The following CELA2B variants were observed in gnomAD, a reference collection of about 807,000 sequenced individuals.
The protein encoded by CELA2B is chymotrypsin-like elastase family member 2B.
In CELA2B, 27 loss-of-function variants were observed where a neutral mutation model predicts 36.5. The ratio of observed to expected loss-of-function variants is 0.74; its 90% CI spans 0.55 to 1.02. The LOEUF is 1.02. Ranked by LOEUF, CELA2B falls within the 50% of genes least tolerant of loss-of-function variation. The pLI is 0.00. For missense variants in CELA2B, 340 were observed against 347.8 expected, an observed-to-expected ratio of 0.98 and a Z score of 0.18; for synonymous variants, 143 against 148.5, an observed-to-expected ratio of 0.96 and a Z score of 0.27.
intron 3 of CELA2B, among the ~76,000 whole-genome samples, chr1:15,481,954 C>T (rs893558709): frequency 6.6e-6 from 1 of 152,188 alleles, no homozygotes; most frequent in African/African-American, 2.4e-5. Context: ...TGAAAATTTC[C>T]TTGAGGGCAA....
At chr1:15,491,197 T>C in intron 7 of CELA2B, 98 bp from the exon 8 acceptor site, 2 of 1,446,954 alleles carry the variant, frequency 1.4e-6, no homozygotes, top group African/African-American at 1.4e-5. Context: ...TGTGACTCAC[T>C]TGAGTAGCTT....
rs767760364 is a variant in CELA2B at position 15,482,410 on chromosome 1, G to A, written c.356+17G>A. 1 of 1,613,844 alleles carries A rather than the reference G, an allele frequency of 6.2e-7. No homozygotes were observed. Among genetic ancestry groups the A allele is most frequent in the African/African-American group, 1.3e-5 (1 of 75,026 alleles). The stretch of plus-strand genomic sequence containing the variant: ...CTCCAAAGGGTTCGTTTCTATCTGG[G>A]TGCACTTGGGGGTGAGGTTGTCAGG... On this transcript the variant is annotated intron_variant, in intron 4 of 7. Coordinates refer to ENST00000375910, the MANE Select transcript of CELA2B (RefSeq NM_015849.3).
At chr1:15,484,007 C>T (rs1247971815) in intron 5 of CELA2B, among the ~76,000 whole-genome samples, 1 of 151,948 alleles carries the variant, frequency 6.6e-6, no homozygotes, top group African/African-American at 2.4e-5. Context: ...CCACAGGAAG[C>T]CTGGCATGTG....
At chr1:15,489,056 A>T (rs1489655121) in intron 7 of CELA2B, among the ~76,000 whole-genome samples, 1 of 152,236 alleles carries the variant, frequency 6.6e-6, no homozygotes, top group Non-Finnish European at 1.5e-5. Context: ...ACGCACGTCA[A>T]AGGAGCCTGG....
chr1:15,486,478 A>G (rs1158233598), intron 6 of CELA2B, among the ~76,000 whole-genome samples: 2 of 152,070 alleles, frequency 1.3e-5, no homozygotes, highest in East Asian at 3.9e-4. Context: ...AACTCAAAAA[A>G]AAACCTGACC....
chr1:15,484,389 C>T (rs897343576), intron 5 of CELA2B, among the ~76,000 whole-genome samples: 2 of 152,090 alleles, frequency 1.3e-5, no homozygotes, highest in African/African-American at 4.8e-5. Flanking sequence ...TGATAATGAC[C>T]TTATGACCGT....
chr1:15,476,420 CT>C, intron 1 of CELA2B, 36 bp from the exon 2 acceptor site: 2 of 1,600,472 alleles, frequency 1.2e-6, no homozygotes, highest in Non-Finnish European at 1.7e-6. Flanking sequence ...GTGTGGGTCG[CT>C]GCTTCCTGGA....
rs202010806 is a variant in CELA2B at position 15,486,047 on chromosome 1, G to A, written c.639+1G>A. On this transcript the variant is annotated splice_donor_variant, in intron 6 of 7. Transcript: ENST00000375910. LOFTEE classifies it high-confidence loss of function. Reference sequence around the variant, plus strand: ...TGATGGCGTGATATGCACCTGCAACGTGAGTACCAAAAATCAGGGGCCCCG... The same window carrying A: ...TGATGGCGTGATATGCACCTGCAACATGAGTACCAAAAATCAGGGGCCCCG... The A allele has an allele frequency of 1.1e-5, 18 of 1,611,462 alleles. No homozygotes were observed. Among genetic ancestry groups the A allele is most frequent in the African/African-American group, 5.3e-5 (4 of 74,998 alleles).
chr1:15,478,216 ATT>A (rs1491298223), intron 2 of CELA2B, among the ~76,000 whole-genome samples: 2 of 40,596 alleles, frequency 4.9e-5, no homozygotes, highest in African/African-American at 2.9e-4. Flanking sequence ...ATATATATAT[ATT>A]GGGATATATA....
chr1:15,491,217 G>A (rs1708887672), intron 7 of CELA2B, 78 bp from the exon 8 acceptor site: 2 of 1,574,176 alleles, frequency 1.3e-6, no homozygotes, highest in Non-Finnish European at 1.7e-6. Flanking sequence ...TAGCCCAGGA[G>A]GACAGAGACA....
At chr1:15,478,167 G>A (rs1235847161) in intron 2 of CELA2B, among the ~76,000 whole-genome samples, 3 of 151,664 alleles carry the variant, frequency 2.0e-5, no homozygotes, top group African/African-American at 7.3e-5. Context: ...ATGATTGCGG[G>A]CACCTGTAAT....
chr1:15,490,220 A>ATATC (rs3060903), intron 7 of CELA2B, among the ~76,000 whole-genome samples: 22,037 of 148,428 alleles, frequency 0.15, 1,812 homozygotes, highest in South Asian at 0.24. Context: ...CTTTATGTGC[A>ATATC]TATCTATCTA....
intron 5 of CELA2B, among the ~76,000 whole-genome samples, chr1:15,484,761 C>T (rs1459277283): frequency 1.3e-5 from 2 of 152,140 alleles, no homozygotes; most frequent in East Asian, 1.9e-4. Context: ...ACTTCCGAAC[C>T]TCAGTTTCCT....
chr1:15,478,680 C>T (rs1451107453), intron 2 of CELA2B, among the ~76,000 whole-genome samples: 1 of 151,914 alleles, frequency 6.6e-6, no homozygotes. Context: ...ATTCTCCTGC[C>T]TCAGCCTCCT....
chr1:15,479,345 G>C (rs1708714180), intron 2 of CELA2B, among the ~76,000 whole-genome samples: 3 of 152,112 alleles, frequency 2.0e-5, no homozygotes, highest in Non-Finnish European at 2.9e-5. Context: ...AGGAGTTGGA[G>C]ACCAGCCTGG....
At chr1:15,481,541 C>A (rs1189826090) in intron 3 of CELA2B, 6 of 518,560 alleles carry the variant, frequency 1.2e-5, no homozygotes, top group African/African-American at 9.6e-5. Flanking sequence ...ATACCATCAC[C>A]TGCAGAAAAT....
At position 15,491,291 on chromosome 1, in the gene CELA2B, G is replaced by C. The variant is rs764499142; in HGVS notation, c.793-4G>C. 1 of 1,614,140 alleles carries C rather than the reference G, an allele frequency of 6.2e-7. No homozygotes were observed. The highest frequency in any genetic ancestry group is 1.7e-5 in the Admixed American group (1 of 60,018). On this transcript the variant is annotated splice_region_variant and splice_polypyrimidine_tract_variant and intron_variant, in intron 7 of 7. Transcript: ENST00000375910. ...GACAATTTTCTTGTGTGTGTGTCCT[G>C]CAGGTGATTGCAAATAACTAACCAA...
At chr1:15,476,874 C>G (rs116036254) in intron 2 of CELA2B, among the ~76,000 whole-genome samples, 1 of 151,974 alleles carries the variant, frequency 6.6e-6, no homozygotes. Flanking sequence ...CCCAGCATCT[C>G]GGGAGGCTGA....
chr1:15,480,963 T>C (rs1708734480), intron 2 of CELA2B, 135 bp from the exon 3 acceptor site: 1 of 815,578 alleles, frequency 1.2e-6, no homozygotes, highest in Admixed American at 2.5e-5. Flanking sequence ...AGGTTTTGGG[T>C]GCCCCCTTAA....
Sources: gnomAD v4.1 joint callset for allele counts (sites outside exome capture counted in the v4.1 genomes callset) on GRCh38, gnomAD v4.1.1 for gene constraint, MANE v1.5 for transcripts, NCBI Gene and HGNC (gene_info 2026-07-23, HGNC 2026-07-21) for gene names.